Variants in CNOT10 observed in about 807,000 individuals in gnomAD.
The protein encoded by CNOT10 is CCR4-NOT transcription complex subunit 10.
A neutral mutation model predicts 94.6 loss-of-function variants in CNOT10; 30 were observed. The ratio of observed to expected loss-of-function variants is 0.32; its 90% CI spans 0.24 to 0.43. The LOEUF is 0.43. Ranked by LOEUF, CNOT10 falls within the 20% of genes least tolerant of loss-of-function variation. The pLI is 1.00. For missense variants in CNOT10, 759 were observed against 877.2 expected (o/e 0.87, Z 1.70); for synonymous variants, 289 against 301.6 (o/e 0.96, Z 0.43).
At position 32,759,513 on chromosome 3, in the gene CNOT10, A is replaced by T. The variant is rs1426779819; in HGVS notation, c.1651A>T (p.Met551Leu). 2 of 1,613,990 alleles carry T rather than the reference A, an allele frequency of 1.2e-6. No homozygotes were observed. The highest frequency in any genetic ancestry group is 1.7e-6 in the Non-Finnish European group (2 of 1,180,016). The change falls in exon 14 of 19, where the codon ATG (methionine) becomes TTG (leucine). Residue 551 changes from methionine to leucine, a missense_variant. Met to Leu is a conservative substitution (Grantham distance 15). Around this residue, in one of 3 missense-constraint regions of CNOT10, gnomAD observed 682 missense variants for 799.4 expected, o/e 0.85. Coordinates refer to ENST00000328834, the MANE Select transcript of CNOT10 (RefSeq NM_015442.3). ...GGCTCTGGCTTTGGGTGATAACCTC[A>T]TGGCTTTGAATCATGCAGATAAACT... Reference protein sequence around the residue: ...YVALALGDNLMALNHADKLLQ... With the variant: ...YVALALGDNLLALNHADKLLQ...
intron 13 of CNOT10, among the ~76,000 whole-genome samples, chr3:32,742,984 C>CTTTT (rs11425595): frequency 8.1e-6 from 1 of 122,718 alleles, no homozygotes; most frequent in East Asian, 2.4e-4. Context: ...GAATACTAAT[C>CTTTT]TTTTTTTTTT....
At chr3:32,736,886 T>C (rs1311268894) in intron 12 of CNOT10, among the ~76,000 whole-genome samples, 4 of 152,144 alleles carry the variant, frequency 2.6e-5, no homozygotes, top group Non-Finnish European at 5.9e-5. Flanking sequence ...CAGTTAGAGA[T>C]TTTTTAAAGC....
chr3:32,733,893 G>C (rs1010742674), intron 11 of CNOT10, among the ~76,000 whole-genome samples: 2 of 152,012 alleles, frequency 1.3e-5, no homozygotes, highest in Non-Finnish European at 2.9e-5. Flanking sequence ...TTTTCTTATA[G>C]TCCCTAGGAC....
chr3:32,714,333 A>C (rs1698023722), intron 5 of CNOT10, among the ~76,000 whole-genome samples: 1 of 152,078 alleles, frequency 6.6e-6, no homozygotes, highest in South Asian at 2.1e-4. Context: ...GATTGGAATT[A>C]AGACAATAGA....
intron 13 of CNOT10, among the ~76,000 whole-genome samples, chr3:32,741,246 C>G (rs892641883): frequency 6.6e-6 from 1 of 152,028 alleles, no homozygotes; most frequent in African/African-American, 2.4e-5. Context: ...CTGAGTAAAT[C>G]AATTGTTGTT....
chr3:32,726,206 G>A (rs1279354377), intron 9 of CNOT10, among the ~76,000 whole-genome samples: 1 of 152,100 alleles, frequency 6.6e-6, no homozygotes. Context: ...AGTCTTCCAA[G>A]GTGCTGGAAT....
At chr3:32,685,568 T>G (rs1227208942) in intron 1 of CNOT10, 86 bp downstream of exon 1, 1 of 1,446,220 alleles carries the variant, frequency 6.9e-7, no homozygotes, top group Non-Finnish European at 9.5e-7. Context: ...GGGCCCGGGG[T>G]GGGGACTCCA....
At chr3:32,708,614 C>T in intron 3 of CNOT10, 56 bp from the exon 4 acceptor site, 4 of 1,467,074 alleles carry the variant, frequency 2.7e-6, no homozygotes, top group Admixed American at 2.3e-5. Flanking sequence ...AATTCTTTCA[C>T]TTTTGCTTTT....
At chr3:32,694,969 C>T (rs771299596) in intron 1 of CNOT10, among the ~76,000 whole-genome samples, 2 of 152,210 alleles carry the variant, frequency 1.3e-5, no homozygotes, top group African/African-American at 2.4e-5. Context: ...AGGTGATCCT[C>T]CTGCCCTGGC....
chr3:32,710,023 G>A (rs1423786184), intron 4 of CNOT10, among the ~76,000 whole-genome samples: 1 of 151,768 alleles, frequency 6.6e-6, no homozygotes, highest in East Asian at 1.9e-4. Context: ...GCACATGCCT[G>A]TAATCCCAGC....
intron 18 of CNOT10, 83 bp downstream of exon 18, chr3:32,770,045 GC>G: frequency 9.4e-7 from 1 of 1,067,006 alleles, no homozygotes; most frequent in Non-Finnish European, 1.4e-6. Context: ...TCACTGTGTT[GC>G]CCAGGCTGGA....
rs1696868072 is a variant in CNOT10, at chr3:32,692,000, A to G, written c.22+6518A>G. On this transcript the variant is annotated intron_variant, in intron 1 of 18. Transcript: ENST00000328834. ...GGGAGGCAGAGGTTGCAGTGAGCCA[A>G]GATAAACACCACTGCACTCCAACCT... 3.3e-5 allele frequency among the ~76,000 whole-genome samples: 5 copies of G among 150,960 alleles called. No homozygotes were observed. In the South Asian group the frequency reaches 1.1e-3, roughly 32 times the overall value.
In CNOT10 at chr3:32,704,795, G is replaced by GT. The variant is rs1697537057; in HGVS notation, c.118-16_118-15insT. The GT allele has an allele frequency of 1.1e-5, 17 of 1,536,424 alleles. No homozygotes were observed. Among genetic ancestry groups the GT allele is most frequent in the Admixed American group, 4.7e-5 (2 of 42,794 alleles). On this transcript the variant is annotated splice_polypyrimidine_tract_variant and intron_variant, in intron 2 of 18. Coordinates refer to ENST00000328834, the MANE Select transcript of CNOT10 (RefSeq NM_015442.3). Reference sequence around the variant, plus strand: ...TATGTAATTTTGTGTGTGTGTGTGTGGTTTTTTTTTTTTAGTCTGGAAATT... The same window carrying GT: ...TATGTAATTTTGTGTGTGTGTGTGTGTGTTTTTTTTTTTTAGTCTGGAAATT...
At position 32,685,247 on chromosome 3, in the gene CNOT10, C is replaced by T. The variant is rs1696545187; in HGVS notation, c.-214C>T. 1 of 541,446 alleles carries T rather than the reference C, an allele frequency of 1.8e-6. No individual in the cohort carries two copies. The highest frequency in any genetic ancestry group is 3.3e-6 in the Non-Finnish European group (1 of 302,162). The allele number at this position is 541,446 out of a possible 1,614,324, so 33.5% of individuals were successfully genotyped here. On this transcript the variant is annotated 5_prime_UTR_variant, in exon 1 of 19. Coordinates refer to ENST00000328834, the MANE Select transcript of CNOT10 (RefSeq NM_015442.3). ...GTATGGCGGGAGGCTGTGGCGGTCC[C>T]TTGGTGGGGAAGCTGTTGCTGTTGC...
At chr3:32,700,545 G>C (rs531952798) in intron 1 of CNOT10, among the ~76,000 whole-genome samples, 2 of 152,290 alleles carry the variant, frequency 1.3e-5, no homozygotes, top group East Asian at 3.9e-4. Context: ...CATATCAGGG[G>C]TTTACTCTGC....
At chr3:32,728,959 G>A (rs1698810455) in intron 10 of CNOT10, among the ~76,000 whole-genome samples, 1 of 152,108 alleles carries the variant, frequency 6.6e-6, no homozygotes, top group African/African-American at 2.4e-5. Context: ...AAATTAGCCG[G>A]GCGTTGTGGG....
chr3:32,687,292 C>G (rs991456003), intron 1 of CNOT10, among the ~76,000 whole-genome samples: 1 of 151,480 alleles, frequency 6.6e-6, no homozygotes, highest in Non-Finnish European at 1.5e-5. Context: ...TGTCGCCCCC[C>G]GCTTTTTTTA....
In CNOT10 at chr3:32,687,439, G is replaced by GTTTTTTTTTTTGTTTTTTTTTT. The variant is rs1553626981; in HGVS notation, c.22+1968_22+1969insGTTTTTTTTTTTTTTTTTTTTT. Among the ~76,000 whole-genome samples, 319 of 51,336 alleles carry GTTTTTTTTTTTGTTTTTTTTTT rather than the reference G, an allele frequency of 6.2e-3. 63 individuals are homozygous for GTTTTTTTTTTTGTTTTTTTTTT. The highest frequency in any genetic ancestry group is 0.02 in the East Asian group (27 of 1,338). The allele number at this position is 51,336 out of a possible 152,430, so 33.7% of individuals were successfully genotyped here. A position where few individuals can be genotyped will look rare whatever the true frequency, so the allele number is the denominator to read the frequency against. ...TTCTTTCTCCTTTTAAGTCCTCACG[G>GTTTTTTTTTTTGTTTTTTTTTT]TTTTTTTTTTTTGTTTTTTTTTTTT... On this transcript the variant is annotated intron_variant, in intron 1 of 18. Transcript: ENST00000328834.
intron 16 of CNOT10, 69 bp from the exon 17 acceptor site, chr3:32,764,613 C>A: frequency 6.2e-7 from 1 of 1,603,968 alleles, no homozygotes; most frequent in Admixed American, 1.7e-5. Flanking sequence ...CTCCTCAAGG[C>A]GATAGATTGG....
Sources: allele counts gnomAD v4.1 joint callset (sites outside exome capture counted in the v4.1 genomes callset), GRCh38; gene constraint gnomAD v4.1.1; regional missense constraint gnomAD v4.1.1; transcripts MANE v1.5; gene names NCBI Gene and HGNC (gene_info 2026-07-23, HGNC 2026-07-21).